SKAP2: variants seen among roughly 807,000 people sequenced by gnomAD.
SKAP2 encodes the protein src kinase associated phosphoprotein 2.
In SKAP2, 28 loss-of-function variants were observed where a neutral mutation model predicts 54.9. The ratio of observed to expected loss-of-function variants is 0.51; its 90% CI spans 0.38 to 0.70. The LOEUF is 0.70. Ranked by LOEUF, SKAP2 falls within the 30% of genes least tolerant of loss-of-function variation. SKAP2 has a pLI of 0.00. For synonymous variants in SKAP2, 137 were observed against 134.3 expected (o/e 1.02, Z -0.14); for missense variants, 356 against 424.1 (o/e 0.84, Z 1.41).
intron 4 of SKAP2, among the ~76,000 whole-genome samples, chr7:26,820,948 T>G (rs188684623): frequency 7.3e-4 from 111 of 152,262 alleles, no homozygotes; most frequent in Admixed American, 2.0e-3. Context: ...GAAATACTAT[T>G]AATTATCCCT....
At chr7:26,765,376 CCT>C (rs1291293253) in intron 4 of SKAP2, among the ~76,000 whole-genome samples, 12 of 152,096 alleles carry the variant, frequency 7.9e-5, no homozygotes, top group South Asian at 6.2e-4. Flanking sequence ...ATATTAGCCC[CCT>C]GTCAGATGGA....
At chr7:26,665,556 G>A (rs1252810451), downstream of SKAP2, among the ~76,000 whole-genome samples, 1 of 152,140 alleles carries the variant, frequency 6.6e-6, no homozygotes, top group Admixed American at 6.6e-5. Flanking sequence ...ACCATATAAT[G>A]TGTACCATGC....
Position 26,726,919 on chromosome 7 carries a change from C to G in SKAP2, c.557G>C (p.Cys186Ser). Residue 186 changes from cysteine to serine, a missense_variant, in exon 7 of 13, where the codon TGT becomes TCT. Cys to Ser is a moderately radical substitution (Grantham distance 112). Transcript: ENST00000345317. ...TLRKDGKKDC[C>S]FEISAPDKRI... ...TTTATCAGGAGCAGAGATTTCAAAACAGCAATCTTTCTTTCCATCCTTTCT... is the reference window on the plus strand; with the variant it reads ...TTTATCAGGAGCAGAGATTTCAAAAGAGCAATCTTTCTTTCCATCCTTTCT... 6.2e-7 allele frequency: 1 copy of G among 1,610,586 alleles called. No individual in the cohort carries two copies. The highest frequency in any genetic ancestry group is 8.5e-7 in the Non-Finnish European group (1 of 1,177,998).
chr7:26,758,237 C>T (rs990761521), intron 4 of SKAP2, among the ~76,000 whole-genome samples: 3 of 150,856 alleles, frequency 2.0e-5, no homozygotes, highest in Non-Finnish European at 3.0e-5. Flanking sequence ...GGAACAACTT[C>T]GTTATAAGCA....
At position 26,683,073 on chromosome 7, in the gene SKAP2, T is replaced by A. The variant is rs114770835; in HGVS notation, c.987+1663A>T. 6.7e-3 allele frequency among the ~76,000 whole-genome samples: 1,025 copies of A among 152,310 alleles called. 16 individuals carry two copies. The highest frequency in any genetic ancestry group is 0.023 in the African/African-American group (961 of 41,562). ...TTACAAAAGGAGTATAATAGCTATATGCCACTCACTCCTATAATCTGAACT... is the reference window on the plus strand; with the variant it reads ...TTACAAAAGGAGTATAATAGCTATAAGCCACTCACTCCTATAATCTGAACT... On this transcript the variant is annotated intron_variant, in intron 11 of 12. Coordinates refer to ENST00000345317, the MANE Select transcript of SKAP2 (RefSeq NM_003930.5).
chr7:26,703,268 A>C (rs1787085167), intron 9 of SKAP2, among the ~76,000 whole-genome samples: 1 of 152,198 alleles, frequency 6.6e-6, no homozygotes, highest in Non-Finnish European at 1.5e-5. Context: ...AATTTTCATG[A>C]TATCCACCAC....
intron 9 of SKAP2, among the ~76,000 whole-genome samples, chr7:26,715,761 A>G (rs1444660301): frequency 1.3e-5 from 2 of 152,152 alleles, no homozygotes; most frequent in Non-Finnish European, 2.9e-5. Context: ...CCTGGGTGAC[A>G]AGAACAAAAC....
chr7:26,732,204 A>G (rs967006660), intron 6 of SKAP2, among the ~76,000 whole-genome samples: 1 of 152,186 alleles, frequency 6.6e-6, no homozygotes, highest in African/African-American at 2.4e-5. Flanking sequence ...AGTAAGTAAC[A>G]AAAGGATCAA....
intron 4 of SKAP2, among the ~76,000 whole-genome samples, chr7:26,750,308 C>T (rs999049593): frequency 7.6e-6 from 1 of 131,048 alleles, no homozygotes; most frequent in African/African-American, 2.9e-5. Flanking sequence ...ACCTAATATA[C>T]CATACTTTTT....
chr7:26,824,280 A>G (rs1042313225), intron 4 of SKAP2, among the ~76,000 whole-genome samples: 4 of 152,210 alleles, frequency 2.6e-5, no homozygotes, highest in Non-Finnish European at 5.9e-5. Context: ...AAATTACAGT[A>G]TGTGTGGGGT....
intron 9 of SKAP2, among the ~76,000 whole-genome samples, chr7:26,719,352 T>G (rs938818121): frequency 2.0e-5 from 3 of 152,094 alleles, no homozygotes; most frequent in Non-Finnish European, 1.5e-5. Context: ...GCAGAGATCA[T>G]CTCAATCCTA....
chr7:26,693,086 C>T (rs1018896492), intron 9 of SKAP2, among the ~76,000 whole-genome samples: 1 of 152,078 alleles, frequency 6.6e-6, no homozygotes, highest in Non-Finnish European at 1.5e-5. Context: ...AATCCCAGCA[C>T]TTTGAGAGGC....
rs566840017 is a variant in SKAP2, at chr7:26,687,575, G to T, written c.874+2710C>A. ...TGGCAGTATATGTTTATTAGCCTTA[G>T]TCTCAGGGAAGTAATGTTTGAATTC... On this transcript the variant is annotated intron_variant, in intron 10 of 12. Coordinates refer to ENST00000345317, the MANE Select transcript of SKAP2 (RefSeq NM_003930.5). Among the ~76,000 whole-genome samples the T allele has an allele frequency of 8.5e-5, 13 of 152,172 alleles. No homozygotes were observed. The South Asian group carries it at 2.7e-3, about 32-fold the overall frequency.
chr7:26,657,198 T>C, the SKAP2 span, among the ~76,000 whole-genome samples: 1 of 152,212 alleles, frequency 6.6e-6, no homozygotes, highest in Non-Finnish European at 1.5e-5. Context: ...TTGTGACTTG[T>C]TGTATCAGCT....
At chr7:26,832,225 C>T (rs1261635426) in intron 4 of SKAP2, among the ~76,000 whole-genome samples, 1 of 152,126 alleles carries the variant, frequency 6.6e-6, no homozygotes, top group African/African-American at 2.4e-5. Context: ...ATACCTTTTA[C>T]CCAAAACAAC....
At chr7:26,832,697 A>C (rs779260006) in intron 4 of SKAP2, among the ~76,000 whole-genome samples, 1 of 152,180 alleles carries the variant, frequency 6.6e-6, no homozygotes, top group Non-Finnish European at 1.5e-5. Flanking sequence ...AATCAAGAAA[A>C]GGTAAAGAAA....
At chr7:26,804,404 C>T (rs1783980944) in intron 4 of SKAP2, among the ~76,000 whole-genome samples, 1 of 152,038 alleles carries the variant, frequency 6.6e-6, no homozygotes, top group African/African-American at 2.4e-5. Context: ...TTATACCTTA[C>T]ATGATAATGT....
intron 1 of SKAP2, chr7:26,857,399 T>C (rs1785193078): frequency 1.1e-6 from 1 of 951,932 alleles, no homozygotes. Context: ...CCAAACTTGG[T>C]TGGTTTTTAA....
At chr7:26,837,756 A>C (rs1204229106) in intron 4 of SKAP2, among the ~76,000 whole-genome samples, 2 of 146,552 alleles carry the variant, frequency 1.4e-5, no homozygotes, top group African/African-American at 4.9e-5. Context: ...TGGTCTACTG[A>C]CCATACTTTG....
Sources: gnomAD v4.1 joint callset for allele counts (sites outside exome capture counted in the v4.1 genomes callset) on GRCh38, gnomAD v4.1.1 for gene constraint, MANE v1.5 for transcripts, NCBI Gene and HGNC (gene_info 2026-07-23, HGNC 2026-07-21) for gene names.